Variants in DGKB observed in about 807,000 individuals in gnomAD.
DGKB encodes the protein 90 kDa diacylglycerol kinase.
Under a neutral mutation model 114.3 loss-of-function variants are expected in DGKB, and 67 were observed. The observed-to-expected ratio is 0.59, with a 90% CI of 0.48 to 0.72. The LOEUF is 0.72. Among genes scored for constraint, DGKB ranks in the 30% least tolerant of loss-of-function variants. DGKB has a pLI of 0.00. For synonymous variants in DGKB, 398 were observed against 323.1 expected (o/e 1.23, Z -2.49); for missense variants, 907 against 975.2 (o/e 0.93, Z 0.93).
intron 20 of DGKB, among the ~76,000 whole-genome samples, chr7:14,559,914 CTCCT>C (rs1281944644): frequency 2.7e-5 from 4 of 147,020 alleles, no homozygotes; most frequent in South Asian, 2.2e-4. Flanking sequence ...TCTTTTGTTT[CTCCT>C]TCCTTCCTTC....
upstream of DGKB, among the ~76,000 whole-genome samples, chr7:14,906,651 C>G (rs2128241951): frequency 6.6e-6 from 1 of 152,056 alleles, no homozygotes; most frequent in African/African-American, 2.4e-5. Context: ...CAGGGTTTCA[C>G]CATGTTGGTC....
intron 2 of DGKB, among the ~76,000 whole-genome samples, chr7:14,820,599 C>G (rs1438169810): frequency 6.6e-6 from 1 of 152,136 alleles, no homozygotes; most frequent in Admixed American, 6.6e-5. Flanking sequence ...TTGCAAACTT[C>G]AAACTATTTC....
At chr7:14,617,050 G>C (rs1806671359) in intron 15 of DGKB, among the ~76,000 whole-genome samples, 1 of 151,660 alleles carries the variant, frequency 6.6e-6, no homozygotes, top group South Asian at 2.1e-4. Flanking sequence ...CATGATTTTA[G>C]AGTTAGACTG....
intron 20 of DGKB, among the ~76,000 whole-genome samples, chr7:14,510,348 T>C (rs1787808172): frequency 6.6e-6 from 1 of 152,182 alleles, no homozygotes; most frequent in East Asian, 1.9e-4. Flanking sequence ...ACATCCTTTG[T>C]TGGCATTTCA....
At chr7:14,392,683 G>T (rs1177982708) in intron 21 of DGKB, among the ~76,000 whole-genome samples, 2 of 152,118 alleles carry the variant, frequency 1.3e-5, no homozygotes, top group East Asian at 1.9e-4. Flanking sequence ...TCTAAACTCA[G>T]AAAGTGGAGA....
intron 23 of DGKB, among the ~76,000 whole-genome samples, chr7:14,205,939 T>G (rs1312477528): frequency 1.7e-4 from 26 of 151,882 alleles, no homozygotes; most frequent in Admixed American, 1.6e-3. Flanking sequence ...ATCAATTGAT[T>G]GACAGGTAGA....
intron 1 of DGKB, among the ~76,000 whole-genome samples, chr7:14,847,412 G>C (rs190058709): frequency 6.6e-6 from 1 of 152,006 alleles, no homozygotes; most frequent in Non-Finnish European, 1.5e-5. Flanking sequence ...AGGATGCAGA[G>C]CCAAAATAAA....
At chr7:14,354,599 G>C (rs566540536) in intron 21 of DGKB, among the ~76,000 whole-genome samples, 2 of 152,098 alleles carry the variant, frequency 1.3e-5, no homozygotes, top group Admixed American at 6.5e-5. Context: ...GTGCTATAAA[G>C]AAGATACACA....
Position 14,749,039 on chromosome 7 carries a change from G to A in DGKB, c.168+4889C>T, listed in dbSNP as rs904667332. Among the ~76,000 whole-genome samples the A allele has an allele frequency of 9.2e-5, 14 of 151,730 alleles. 1 individual carries two copies. The highest frequency in any genetic ancestry group is 2.0e-4 in the Admixed American group (3 of 15,238). On this transcript the variant is annotated intron_variant, in intron 4 of 25. Transcript: ENST00000402815. Reference sequence around the variant, plus strand: ...TTTTTTACAGTTCCATTTCTATTTCGCATTCTAATTTATATCATTAACTAA... The same window carrying A: ...TTTTTTACAGTTCCATTTCTATTTCACATTCTAATTTATATCATTAACTAA...
chr7:14,330,420 G>A (rs893301676), intron 23 of DGKB, among the ~76,000 whole-genome samples: 6 of 151,890 alleles, frequency 4.0e-5, no homozygotes, highest in African/African-American at 1.4e-4. Context: ...TTTCAGGAAT[G>A]AACAAATTGA....
chr7:14,690,646 G>C (rs1822667608), intron 9 of DGKB, among the ~76,000 whole-genome samples: 1 of 152,184 alleles, frequency 6.6e-6, no homozygotes, highest in South Asian at 2.1e-4. Context: ...GATTGCATTT[G>C]TGCTGGAACA....
At chr7:14,938,805 A>C (rs746311579) in intron 1 of DGKB, among the ~76,000 whole-genome samples, 2 of 152,292 alleles carry the variant, frequency 1.3e-5, no homozygotes, top group East Asian at 3.9e-4. Context: ...CCTTTCAAAA[A>C]ATTATTCTTC....
At chr7:14,481,792 A>T (rs1026939778) in intron 20 of DGKB, among the ~76,000 whole-genome samples, 3 of 151,994 alleles carry the variant, frequency 2.0e-5, no homozygotes, top group African/African-American at 7.2e-5. Context: ...CAAAAATTGT[A>T]ATTTACTAAA....
intron 1 of DGKB, among the ~76,000 whole-genome samples, chr7:14,881,645 C>A (rs1562802027): frequency 6.6e-6 from 1 of 152,026 alleles, no homozygotes; most frequent in Non-Finnish European, 1.5e-5. Context: ...ACCAGGAACA[C>A]TGTGGTGCAG....
rs1284327665 is a variant in DGKB, at chr7:14,282,674, G to T, written c.2122+55841C>A. On this transcript the variant is annotated intron_variant, in intron 23 of 25. Coordinates refer to ENST00000402815, the MANE Select transcript of DGKB (RefSeq NM_001350709.2). Reference sequence around the variant, plus strand: ...AAAAGCTTATCCACCATGATCAAGTGGGCTTCATCCCTGGGATGCAAGGCA... The same window carrying T: ...AAAAGCTTATCCACCATGATCAAGTTGGCTTCATCCCTGGGATGCAAGGCA... Among the ~76,000 whole-genome samples, 4 of 150,352 alleles carry T rather than the reference G, an allele frequency of 2.7e-5. No individual in the cohort carries two copies. In the East Asian group the frequency reaches 7.8e-4, roughly 29 times the overall value.
At chr7:14,172,003 G>A (rs1781071039) in intron 25 of DGKB, among the ~76,000 whole-genome samples, 1 of 152,130 alleles carries the variant, frequency 6.6e-6, no homozygotes, top group African/African-American at 2.4e-5. Context: ...GAAACACTGA[G>A]GCTGAGCTTT....
At chr7:14,331,754 C>T (rs1809753653) in intron 23 of DGKB, among the ~76,000 whole-genome samples, 1 of 152,044 alleles carries the variant, frequency 6.6e-6, no homozygotes, top group Non-Finnish European at 1.5e-5. Flanking sequence ...TAAGTTTTGC[C>T]AAGCTTTCAC....
intron 2 of DGKB, among the ~76,000 whole-genome samples, chr7:14,798,950 C>T (rs1210792014): frequency 6.6e-6 from 1 of 152,168 alleles, no homozygotes; most frequent in Non-Finnish European, 1.5e-5. Flanking sequence ...AGCAATACTG[C>T]GTCCCTGAGG....
chr7:14,951,857 T>C (rs1405110551), intron 1 of DGKB, among the ~76,000 whole-genome samples: 1 of 151,802 alleles, frequency 6.6e-6, no homozygotes, highest in Non-Finnish European at 1.5e-5. Context: ...ACAAAACAAG[T>C]TAAAAAAATC....
Sources: gnomAD v4.1 joint callset for allele counts (sites outside exome capture counted in the v4.1 genomes callset) on GRCh38, gnomAD v4.1.1 for gene constraint, MANE v1.5 for transcripts, NCBI Gene and HGNC (gene_info 2026-07-23, HGNC 2026-07-21) for gene names.